Variants in MBNL1 observed in about 807,000 individuals in gnomAD.
MBNL1 encodes the protein muscleblind-like protein 1.
A neutral mutation model predicts 42.2 loss-of-function variants in MBNL1; 8 were observed. The observed-to-expected ratio is 0.19, with a 90% CI of 0.11 to 0.34. MBNL1 has a LOEUF of 0.34. MBNL1 is among the 10% of genes least tolerant of loss of function. MBNL1 has a pLI of 1.00. For synonymous variants in MBNL1, 169 were observed against 173.9 expected (o/e 0.97, Z 0.22); for missense variants, 309 against 495.3 (o/e 0.62, Z 3.57).
At position 152,456,434 on chromosome 3, in the gene MBNL1, T is replaced by A. The variant is rs986483849; in HGVS notation, c.1092+73T>A. 6.5e-6 allele frequency: 8 copies of A among 1,232,214 alleles called. No homozygotes were observed. The Admixed American group carries it at 1.4e-4, about 21-fold the overall frequency. The allele number at this position is 1,232,214 out of a possible 1,614,324, so 76.3% of individuals were successfully genotyped here. A position where few individuals can be genotyped will look rare whatever the true frequency, so the allele number is the denominator to read the frequency against. On this transcript the variant is annotated intron_variant, in intron 8 of 9. Transcript: ENST00000324210. ...CTCAATCCAACAGCCCTTACGCACG[T>A]GGATTTCCCATTGAGGTCAGTGGGA...
At chr3:152,334,707 A>T (rs981431850) in intron 2 of MBNL1, among the ~76,000 whole-genome samples, 1 of 152,224 alleles carries the variant, frequency 6.6e-6, no homozygotes, top group African/African-American at 2.4e-5. Context: ...TTCTTTCATT[A>T]ACAGGAAATT....
intron 2 of MBNL1, among the ~76,000 whole-genome samples, chr3:152,373,445 A>G (rs1314584425): frequency 1.3e-5 from 2 of 150,788 alleles, no homozygotes; most frequent in African/African-American, 2.4e-5. Flanking sequence ...TAGTGTCAGC[A>G]CTCGAGGGAA....
At chr3:152,294,571 A>T (rs1372531364) in intron 1 of MBNL1, among the ~76,000 whole-genome samples, 1 of 152,128 alleles carries the variant, frequency 6.6e-6, no homozygotes, top group Admixed American at 6.6e-5. Flanking sequence ...GGCGTGAGCC[A>T]CCGTGCCCGG....
At chr3:152,366,524 C>T (rs565019870) in intron 2 of MBNL1, among the ~76,000 whole-genome samples, 11 of 152,176 alleles carry the variant, frequency 7.2e-5, no homozygotes, top group Admixed American at 5.2e-4. Flanking sequence ...AAAATTTAAC[C>T]GAATTAAGCT....
In MBNL1 at chr3:152,462,653, T is replaced by A. The variant is rs1747954669; in HGVS notation, c.*287T>A. ...ATTGTCTTTCTTTTCTAGCACAGAG[T>A]TATGCATTCAAAGATGCATACCTAG... On this transcript the variant is annotated 3_prime_UTR_variant, in exon 10 of 10. Coordinates refer to ENST00000324210, the MANE Select transcript of MBNL1 (RefSeq NM_021038.5). The A allele has an allele frequency of 6.6e-6, 1 of 152,196 alleles. No individual in the cohort carries two copies. The allele number at this position is 152,196 out of a possible 1,614,324, so 9.4% of individuals were successfully genotyped here.
chr3:152,382,618 A>G (rs2097225960), intron 2 of MBNL1, among the ~76,000 whole-genome samples: 1 of 152,170 alleles, frequency 6.6e-6, no homozygotes, highest in Non-Finnish European at 1.5e-5. Flanking sequence ...CCAGGCAATT[A>G]ATGCAACATA....
chr3:152,404,113 T>A (rs1484750491), intron 2 of MBNL1, among the ~76,000 whole-genome samples: 1 of 152,154 alleles, frequency 6.6e-6, no homozygotes. Flanking sequence ...CAGTATTTGT[T>A]TTTCAGTTAG....
chr3:152,358,565 G>T (rs2095694279), intron 2 of MBNL1, among the ~76,000 whole-genome samples: 1 of 152,004 alleles, frequency 6.6e-6, no homozygotes, highest in East Asian at 1.9e-4. Flanking sequence ...TAAGGAGAAT[G>T]AATTGAGATA....
At chr3:152,354,975 T>A (rs553712401) in intron 2 of MBNL1, among the ~76,000 whole-genome samples, 16 of 152,204 alleles carry the variant, frequency 1.1e-4, no homozygotes, top group Non-Finnish European at 2.4e-4. Context: ...TTGTAATTAT[T>A]TCATCAAAAG....
chr3:152,424,661 C>G (rs2098880038), intron 3 of MBNL1, among the ~76,000 whole-genome samples: 1 of 152,034 alleles, frequency 6.6e-6, no homozygotes, highest in Non-Finnish European at 1.5e-5. Flanking sequence ...GGAGGCATCA[C>G]ACTACCTGAC....
chr3:152,333,857 G>T (rs572152714), intron 2 of MBNL1, among the ~76,000 whole-genome samples: 1 of 152,160 alleles, frequency 6.6e-6, no homozygotes, highest in Admixed American at 6.5e-5. Context: ...AATTAGTGGT[G>T]GAGTTTTAAT....
intron 2 of MBNL1, among the ~76,000 whole-genome samples, chr3:152,325,087 G>GCCCCCCC (rs532842950): frequency 1.2e-3 from 18 of 15,350 alleles, no homozygotes; most frequent in South Asian, 6.9e-3. Flanking sequence ...CCACATACCC[G>GCCCCCCC]CCCCCCCCCG....
chr3:152,292,761 T>C (rs965695521), intron 1 of MBNL1, among the ~76,000 whole-genome samples: 3 of 152,084 alleles, frequency 2.0e-5, no homozygotes, highest in Non-Finnish European at 4.4e-5. Flanking sequence ...TTTAAAAATT[T>C]ATTTAATTAA....
chr3:152,319,614 G>GGTT (rs1184071631), intron 2 of MBNL1, among the ~76,000 whole-genome samples: 2 of 80,534 alleles, frequency 2.5e-5, no homozygotes, highest in Non-Finnish European at 4.6e-5. Flanking sequence ...GTTCTATACT[G>GGTT]TTTTTTTTTT....
At chr3:152,384,992 T>A (rs2097347651) in intron 2 of MBNL1, among the ~76,000 whole-genome samples, 2 of 152,088 alleles carry the variant, frequency 1.3e-5, no homozygotes, top group African/African-American at 4.8e-5. Flanking sequence ...GTCAAATAGC[T>A]ATGGTGTAAT....
chr3:152,398,245 T>C (rs1422268125), intron 2 of MBNL1, among the ~76,000 whole-genome samples: 1 of 152,148 alleles, frequency 6.6e-6, no homozygotes, highest in Non-Finnish European at 1.5e-5. Context: ...AATTATGATT[T>C]TTGAAACAGT....
At chr3:152,410,995 G>A (rs2098551420) in intron 2 of MBNL1, among the ~76,000 whole-genome samples, 1 of 152,176 alleles carries the variant, frequency 6.6e-6, no homozygotes, top group Non-Finnish European at 1.5e-5. Flanking sequence ...TTTATTGGCT[G>A]CCTATTACGA....
intron 2 of MBNL1, among the ~76,000 whole-genome samples, chr3:152,413,963 T>C (rs747468297): frequency 3.9e-5 from 6 of 152,204 alleles, no homozygotes; most frequent in Non-Finnish European, 8.8e-5. Context: ...ACTTCTTTTT[T>C]TTGAGATGAG....
At chr3:152,264,583 TG>T (rs1477501924), upstream of MBNL1, 1 of 152,088 alleles carries the variant, frequency 6.6e-6, no homozygotes, top group Non-Finnish European at 1.5e-5. Context: ...TGCTCTGCCA[TG>T]GTGCCAAGTT....
Sources: allele counts gnomAD v4.1 joint callset (sites outside exome capture counted in the v4.1 genomes callset), GRCh38; gene constraint gnomAD v4.1.1; transcripts MANE v1.5; gene names NCBI Gene and HGNC (gene_info 2026-07-23, HGNC 2026-07-21).